The following PEX14 variants were observed in gnomAD, a reference collection of about 807,000 sequenced individuals.
The protein encoded by PEX14 is peroxisomal biogenesis factor 14.
Under a neutral mutation model 49.5 loss-of-function variants are expected in PEX14, and 15 were observed. The ratio of observed to expected loss-of-function variants is 0.30; its 90% CI spans 0.20 to 0.47. The LOEUF (loss-of-function observed/expected upper bound fraction) is 0.47, where lower values mean the gene tolerates loss of function less well. Among genes scored for constraint, PEX14 ranks in the 20% least tolerant of loss-of-function variants. The pLI, the probability that PEX14 is intolerant of heterozygous loss-of-function variation, is 1.00. For missense variants in PEX14, 398 were observed against 494.8 expected, an observed-to-expected ratio of 0.80 and a Z score of 1.86; for synonymous variants, 210 against 212.7, an observed-to-expected ratio of 0.99 and a Z score of 0.11.
At chr1:10,496,673 T>C (rs941308520) in intron 2 of PEX14, among the ~76,000 whole-genome samples, 3 of 152,016 alleles carry the variant, frequency 2.0e-5, no homozygotes, top group African/African-American at 7.2e-5. Flanking sequence ...AGCTCACTGA[T>C]TTCTGGTATT....
At chr1:10,594,989 T>G (rs1367235855) in intron 3 of PEX14, among the ~76,000 whole-genome samples, 1 of 152,078 alleles carries the variant, frequency 6.6e-6, no homozygotes, top group African/African-American at 2.4e-5. Flanking sequence ...GCAGTGACAC[T>G]GGGGTTTTAT....
chr1:10,475,163 CCG>C (rs1641172463), intron 1 of PEX14, among the ~76,000 whole-genome samples, 161 bp downstream of exon 1: 1 of 152,126 alleles, frequency 6.6e-6, no homozygotes, highest in South Asian at 2.1e-4. Flanking sequence ...TCCTCCCCAC[CCG>C]GCCCCTCCCC....
intron 3 of PEX14, among the ~76,000 whole-genome samples, chr1:10,582,405 C>T (rs1399174058): frequency 6.6e-6 from 1 of 152,074 alleles, no homozygotes; most frequent in Non-Finnish European, 1.5e-5. Context: ...CATTAAAATC[C>T]TCAGAAAACC....
At chr1:10,483,174 G>C (rs530640750) in intron 1 of PEX14, among the ~76,000 whole-genome samples, 3 of 152,114 alleles carry the variant, frequency 2.0e-5, no homozygotes, top group Non-Finnish European at 4.4e-5. Flanking sequence ...TTAAATTTTT[G>C]AGACAGGGTC....
chr1:10,561,492 G>C (rs1325592246), intron 3 of PEX14, among the ~76,000 whole-genome samples: 2 of 152,192 alleles, frequency 1.3e-5, no homozygotes, highest in African/African-American at 2.4e-5. Context: ...TTTTTGGCAA[G>C]AACAGTTAGT....
At chr1:10,475,081 G>T in intron 1 of PEX14, 79 bp downstream of exon 1, 1 of 1,395,204 alleles carries the variant, frequency 7.2e-7, no homozygotes, top group Non-Finnish European at 1.0e-6. Flanking sequence ...TGGGAGCCGG[G>T]TAGGGACCCC....
At position 10,623,030 on chromosome 1, in the gene PEX14, C is replaced by G; in HGVS notation, c.396C>G (p.Leu132=). The change falls in exon 6 of 9, where the codon CTC becomes CTG. Residue 132 remains leucine (L), a synonymous_variant. Coordinates refer to ENST00000356607, the MANE Select transcript of PEX14 (RefSeq NM_004565.3). This position sits in a 1 kb window ranked among gnomAD's most constrained non-coding sequence, Gnocchi z 4.4. The part of the protein sequence containing the change: ...GFHQLYKKYL[L]PLILGGREDR... ...CCCGCTTCTTGCAGAAATACCTGCT[C>G]CCCCTCATCCTGGGCGGCCGAGAGG... The G allele has an allele frequency of 6.2e-7, 1 of 1,612,708 alleles. No individual in the cohort carries two copies. The highest frequency in any genetic ancestry group is 8.5e-7 in the Non-Finnish European group (1 of 1,179,114).
intron 3 of PEX14, among the ~76,000 whole-genome samples, chr1:10,547,967 G>C (rs563192324): frequency 6.6e-6 from 1 of 152,170 alleles, no homozygotes; most frequent in South Asian, 2.1e-4. Context: ...TGTAATCCCA[G>C]CACTTTGGGA....
chr1:10,485,536 C>G (rs1008500737), intron 1 of PEX14, among the ~76,000 whole-genome samples: 44 of 151,358 alleles, frequency 2.9e-4, no homozygotes, highest in African/African-American at 8.8e-4. Context: ...GCAGGCTGGT[C>G]TTGAACTTCT....
intron 3 of PEX14, among the ~76,000 whole-genome samples, chr1:10,563,824 A>C (rs539548124): frequency 6.6e-6 from 1 of 152,174 alleles, no homozygotes; most frequent in South Asian, 2.1e-4. Flanking sequence ...AGGCAGGAGA[A>C]TGGCGTGAAC....
chr1:10,478,055 AT>A (rs796331986), intron 1 of PEX14, among the ~76,000 whole-genome samples: 24 of 147,434 alleles, frequency 1.6e-4, no homozygotes, highest in Middle Eastern at 3.4e-3. Flanking sequence ...GGCCTGGCTA[AT>A]TTTTTTTTTT....
At chr1:10,616,307 G>T (rs1641414324) in intron 4 of PEX14, among the ~76,000 whole-genome samples, 1 of 152,092 alleles carries the variant, frequency 6.6e-6, no homozygotes, top group South Asian at 2.1e-4. Flanking sequence ...GGAAAGAACG[G>T]GCCTTCTCCT....
chr1:10,504,782 T>TCCCTC (rs949109283), intron 2 of PEX14, among the ~76,000 whole-genome samples: 7 of 151,724 alleles, frequency 4.6e-5, no homozygotes, highest in East Asian at 3.9e-4. Context: ...CTTCTTTCCT[T>TCCCTC]CCCTCCCCTC....
At chr1:10,578,424 T>G (rs550264106) in intron 3 of PEX14, among the ~76,000 whole-genome samples, 2 of 152,238 alleles carry the variant, frequency 1.3e-5, no homozygotes, top group South Asian at 4.1e-4. Flanking sequence ...CATAAAATTG[T>G]GCCTACACCA....
intron 1 of PEX14, among the ~76,000 whole-genome samples, chr1:10,477,216 G>A (rs966842254): frequency 7.2e-5 from 11 of 151,884 alleles, no homozygotes; most frequent in Non-Finnish European, 1.3e-4. Flanking sequence ...GACTACAGGC[G>A]CCCGCCACCA....
At chr1:10,620,514 G>T (rs1307367985) in intron 5 of PEX14, among the ~76,000 whole-genome samples, 1 of 152,006 alleles carries the variant, frequency 6.6e-6, no homozygotes. Context: ...TAAGCCAGGC[G>T]CAGTGGCTCA....
At chr1:10,586,301 G>A (rs561385982) in intron 3 of PEX14, among the ~76,000 whole-genome samples, 1 of 152,288 alleles carries the variant, frequency 6.6e-6, no homozygotes, top group African/African-American at 2.4e-5. Flanking sequence ...TGACTAAAAT[G>A]GAAAAGACTG....
At chr1:10,600,918 G>A (rs989095812) in intron 4 of PEX14, among the ~76,000 whole-genome samples, 5 of 151,572 alleles carry the variant, frequency 3.3e-5, no homozygotes, top group Admixed American at 2.6e-4. Context: ...TGGATCATGA[G>A]GTCAGGAGTT....
intron 1 of PEX14, among the ~76,000 whole-genome samples, chr1:10,490,083 G>A (rs1044746273): frequency 1.3e-5 from 2 of 152,194 alleles, no homozygotes; most frequent in African/African-American, 4.8e-5. Context: ...ATGTGAGGTG[G>A]TGGTATTATT....
Sources: gnomAD v4.1 joint callset for allele counts (sites outside exome capture counted in the v4.1 genomes callset) on GRCh38, gnomAD v4.1.1 for gene constraint, Gnocchi (gnomAD v3.1) non-coding constraint, MANE v1.5 for transcripts, NCBI Gene and HGNC (gene_info 2026-07-23, HGNC 2026-07-21) for gene names.